MIGA1: variants seen among roughly 807,000 people sequenced by gnomAD.
The protein encoded by MIGA1 is family with sequence similarity 73, member A.
MIGA1 carries 58 observed loss-of-function variants against 82.0 expected under a neutral mutation model. That is an observed-to-expected ratio of 0.71 (90% CI 0.57 to 0.88). The LOEUF (loss-of-function observed/expected upper bound fraction) is 0.88, where lower values mean the gene tolerates loss of function less well. Ranked by LOEUF, MIGA1 falls within the 40% of genes least tolerant of loss-of-function variation. The probability of loss-of-function intolerance (pLI) is 0.00; values close to 1 mark genes in which losing one functional copy is unlikely to be tolerated. For missense variants in MIGA1, 751 were observed against 749.1 expected (o/e 1.00, Z -0.03); for synonymous variants, 249 against 253.6 (o/e 0.98, Z 0.17).
chr1:77,871,851 T>TA (rs1348955379), intron 14 of MIGA1, among the ~76,000 whole-genome samples: 2 of 152,106 alleles, frequency 1.3e-5, no homozygotes, highest in Non-Finnish European at 2.9e-5. Context: ...TATAATTAAG[T>TA]GATTGAGTTG....
At chr1:77,811,173 A>G in intron 5 of MIGA1, 1 of 1,522,636 alleles carries the variant, frequency 6.6e-7, no homozygotes, top group Non-Finnish European at 9.1e-7. Flanking sequence ...TATCTTGCAC[A>G]GGAGTTAAGT....
At chr1:77,789,383 T>A (rs57315528) in intron 2 of MIGA1, among the ~76,000 whole-genome samples, 5,081 of 151,954 alleles carry the variant, frequency 0.033, 111 homozygotes, top group Non-Finnish European at 0.049. Context: ...TAATTTTTTT[T>A]ATTTTTTGTA....
At chr1:77,840,996 G>A (rs998193508) in intron 7 of MIGA1, among the ~76,000 whole-genome samples, 17 of 152,082 alleles carry the variant, frequency 1.1e-4, no homozygotes, top group African/African-American at 3.9e-4. Context: ...GTGTGTATTT[G>A]TGTTTAAAAA....
Position 77,833,304 on chromosome 1 carries a change from A to C in MIGA1, c.896-10003A>C, listed in dbSNP as rs544057785. ...GTACACATTGTACAACATATGAGAA[A>C]TTTGGCTTAGTAATTTCCTCCCATG... On this transcript the variant is annotated intron_variant, in intron 7 of 15. Coordinates refer to ENST00000370791, the MANE Select transcript of MIGA1 (RefSeq NM_198549.4). 2.4e-4 allele frequency among the ~76,000 whole-genome samples: 36 copies of C among 152,324 alleles called. 1 individual carries two copies. The highest frequency in any genetic ancestry group is 1.2e-3 in the East Asian group (6 of 5,196).
intron 5 of MIGA1, among the ~76,000 whole-genome samples, chr1:77,812,107 A>T (rs1006985949): frequency 2.6e-5 from 4 of 152,110 alleles, no homozygotes; most frequent in African/African-American, 9.7e-5. Flanking sequence ...TGAGCCCAGG[A>T]GTTTGAGACC....
chr1:77,781,508 GTTTTT>G (rs1372606488), intron 1 of MIGA1, among the ~76,000 whole-genome samples: 1 of 152,106 alleles, frequency 6.6e-6, no homozygotes, highest in African/African-American at 2.4e-5. Flanking sequence ...ATGTAGGCAG[GTTTTT>G]AAAAATCAAG....
chr1:77,865,846 T>C (rs763382218), intron 13 of MIGA1, among the ~76,000 whole-genome samples: 38 of 152,234 alleles, frequency 2.5e-4, no homozygotes, highest in Middle Eastern at 6.8e-3. Context: ...TTTAAAAATT[T>C]ATAAAAATGA....
chr1:77,796,979 C>T (rs1160234236), intron 2 of MIGA1, among the ~76,000 whole-genome samples: 2 of 152,178 alleles, frequency 1.3e-5, no homozygotes, highest in Admixed American at 6.5e-5. Flanking sequence ...CGCTAGCTGC[C>T]ATTGATGTTT....
rs989025414 is a variant in MIGA1, at chr1:77,865,222, G to A, written c.1510-1116G>A. Among the ~76,000 whole-genome samples the A allele has an allele frequency of 1.6e-4, 24 of 150,398 alleles. 1 individual carries two copies. Among genetic ancestry groups the A allele is most frequent in the African/African-American group, 5.9e-4 (24 of 40,902 alleles). On this transcript the variant is annotated intron_variant, in intron 13 of 15. Transcript: ENST00000370791. ...TGGGTGCTTTTGTCCTGTCATGGTTGTATTTCCTAGTTCTTTATTTGGATC... is the reference window on the plus strand; with the variant it reads ...TGGGTGCTTTTGTCCTGTCATGGTTATATTTCCTAGTTCTTTATTTGGATC...
chr1:77,859,115 A>G (rs951234266), intron 9 of MIGA1, 59 bp downstream of exon 9: 6 of 1,123,146 alleles, frequency 5.3e-6, no homozygotes, highest in Non-Finnish European at 8.0e-6. Context: ...TGTGGTACTT[A>G]CTAAAAATGT....
Position 77,875,166 on chromosome 1 carries a change from G to T in MIGA1, c.*102G>T. The T allele has an allele frequency of 1.1e-6, 1 of 913,890 alleles. No homozygotes were observed. The allele number at this position is 913,890 out of a possible 1,614,324, so 56.6% of individuals were successfully genotyped here. Reference sequence around the variant, plus strand: ...AAAGTTAACAGAATTGATGCATGTGGATTCAGGGAGGAAAAAAAAATCTAC... The same window carrying T: ...AAAGTTAACAGAATTGATGCATGTGTATTCAGGGAGGAAAAAAAAATCTAC... On this transcript the variant is annotated 3_prime_UTR_variant, in exon 16 of 16. Coordinates refer to ENST00000370791, the MANE Select transcript of MIGA1 (RefSeq NM_198549.4).
At chr1:77,854,608 G>C (rs758282097) in intron 8 of MIGA1, among the ~76,000 whole-genome samples, 1 of 152,188 alleles carries the variant, frequency 6.6e-6, no homozygotes, top group Non-Finnish European at 1.5e-5. Context: ...CAGGAGTAAA[G>C]TAGGTATTAC....
At position 77,839,471 on chromosome 1, in the gene MIGA1, A is replaced by G. The variant is rs149574998; in HGVS notation, c.896-3836A>G. 1.8e-3 allele frequency among the ~76,000 whole-genome samples: 276 copies of G among 152,036 alleles called. 1 individual carries two copies. Among genetic ancestry groups the G allele is most frequent in the African/African-American group, 6.4e-3 (264 of 41,460 alleles). ...CTGCAGCCTTGAACTTACGGGCTCAAGCGATTCTCCCGCATCAGCCTCCCG... is the reference window on the plus strand; with the variant it reads ...CTGCAGCCTTGAACTTACGGGCTCAGGCGATTCTCCCGCATCAGCCTCCCG... On this transcript the variant is annotated intron_variant, in intron 7 of 15. Transcript: ENST00000370791.
chr1:77,811,687 A>G (rs1683336319), intron 5 of MIGA1: 31 of 1,611,732 alleles, frequency 1.9e-5, no homozygotes, highest in South Asian at 6.6e-5. Context: ...ATACTCGTCT[A>G]TCGCCTCCAC....
chr1:77,812,824 T>G (rs774133344), intron 5 of MIGA1, among the ~76,000 whole-genome samples: 4 of 152,214 alleles, frequency 2.6e-5, no homozygotes, highest in Non-Finnish European at 5.9e-5. Context: ...AACTAACTTT[T>G]GATGGGTTCA....
At chr1:77,798,984 C>G (rs1172973977) in intron 2 of MIGA1, among the ~76,000 whole-genome samples, 1 of 152,102 alleles carries the variant, frequency 6.6e-6, no homozygotes, top group African/African-American at 2.4e-5. Context: ...TTATGGCTTT[C>G]TTTAGCTGAT....
chr1:77,834,945 T>G (rs1318628793), intron 7 of MIGA1, among the ~76,000 whole-genome samples: 1 of 152,236 alleles, frequency 6.6e-6, no homozygotes, highest in Non-Finnish European at 1.5e-5. Flanking sequence ...CTTCCTCTTG[T>G]TGCTCCTGTT....
At chr1:77,820,161 G>A (rs1683747452) in intron 7 of MIGA1, among the ~76,000 whole-genome samples, 1 of 145,562 alleles carries the variant, frequency 6.9e-6, no homozygotes. Context: ...GTGATCTGTA[G>A]TTAGCTCATG....
At chr1:77,814,962 C>A in intron 6 of MIGA1, 146 bp from the exon 7 acceptor site, 1 of 473,202 alleles carries the variant, frequency 2.1e-6, no homozygotes, top group Non-Finnish European at 3.4e-6. Context: ...GGCCTCTTGA[C>A]TTCTGCTGCT....
Sources: allele counts gnomAD v4.1 joint callset (sites outside exome capture counted in the v4.1 genomes callset), GRCh38; gene constraint gnomAD v4.1.1; transcripts MANE v1.5; gene names NCBI Gene and HGNC (gene_info 2026-07-23, HGNC 2026-07-21).